Variants in ACTR1A observed in about 807,000 individuals in gnomAD.
ACTR1A encodes the protein alpha-centractin.
Under a neutral mutation model 50.7 loss-of-function variants are expected in ACTR1A, and 10 were observed. That is an observed-to-expected ratio of 0.20 (90% CI 0.12 to 0.33). ACTR1A has a LOEUF of 0.33. ACTR1A is among the 10% of genes least tolerant of loss of function. ACTR1A has a pLI of 1.00. For missense variants in ACTR1A, 253 were observed against 491.7 expected (o/e 0.51, Z 4.59); for synonymous variants, 177 against 184.2 (o/e 0.96, Z 0.32).
intron 1 of ACTR1A, among the ~76,000 whole-genome samples, chr10:102,492,057 A>C (rs1183708056): frequency 6.9e-4 from 67 of 97,380 alleles, no homozygotes; most frequent in South Asian, 1.1e-3. Flanking sequence ...GCGTGAGCCC[A>C]CCGTGCCCGG....
chr10:102,488,914 G>T lies in ACTR1A; in HGVS notation c.189+149C>A. ...TTCCTGGGAAAAATAAACCACCTAAGCCTAGGATGAGAGAATCAAAAAGGA... is the reference window on the plus strand; with the variant it reads ...TTCCTGGGAAAAATAAACCACCTAATCCTAGGATGAGAGAATCAAAAAGGA... On this transcript the variant is annotated intron_variant, in intron 3 of 10. Transcript: ENST00000369905. This position sits in a 1 kb window ranked among gnomAD's most constrained non-coding sequence, Gnocchi z 4.4. 2 of 555,386 alleles carry T rather than the reference G, an allele frequency of 3.6e-6. No individual in the cohort carries two copies. The highest frequency in any genetic ancestry group is 3.7e-5 in the South Asian group (1 of 27,280). 34.4% of individuals were successfully genotyped at this position (555,386 alleles called of 1,614,324 possible).
At chr10:102,500,006 G>C (rs1192155315) in intron 1 of ACTR1A, among the ~76,000 whole-genome samples, 1 of 152,144 alleles carries the variant, frequency 6.6e-6, no homozygotes, top group Non-Finnish European at 1.5e-5. Context: ...GAGAGAAGTG[G>C]GTGAAGTGAG....
In ACTR1A at chr10:102,484,185, A is replaced by G. The variant is rs761032920; in HGVS notation, c.632T>C (p.Phe211Ser). The change falls in exon 6 of 11, where the codon TTT becomes TCT. Residue 211 changes from phenylalanine to serine, a missense_variant. Physicochemically the swap from Phe to Ser is radical, Grantham distance 155. Around this residue, in one of 4 missense-constraint regions of ACTR1A, gnomAD observed 116 missense variants for 155.9 expected, o/e 0.74. Transcript: ENST00000369905. ...EGYDFHSSSEFEIVKAIKERA... is the reference protein window; with the variant it reads ...EGYDFHSSSESEIVKAIKERA... ...TTCTTTTATGGCCTTGACAATCTCAAACTCAGAGGATGAGTGGAAGTCGTA... is the reference window on the plus strand; with the variant it reads ...TTCTTTTATGGCCTTGACAATCTCAGACTCAGAGGATGAGTGGAAGTCGTA... 1 of 1,613,966 alleles carries G rather than the reference A, an allele frequency of 6.2e-7. No homozygotes were observed. The highest frequency in any genetic ancestry group is 1.3e-5 in the African/African-American group (1 of 74,882).
At chr10:102,496,138 G>A (rs1168510601) in intron 1 of ACTR1A, among the ~76,000 whole-genome samples, 8 of 152,192 alleles carry the variant, frequency 5.3e-5, no homozygotes, top group Non-Finnish European at 1.0e-4. Flanking sequence ...ATAAAGACGG[G>A]GTTTCACCAT....
In ACTR1A at chr10:102,485,674, G is replaced by A. The variant is rs928356258; in HGVS notation, c.375C>T (p.Ala125=). The part of the protein sequence containing the change: ...LNPRKNRERA[A]EVFFETFNVP... ...CATTGAAGGTCTCGAAGAAAACTTC[G>A]GCAGCTCGTTCCCGGTTTTTTCGTG... is the stretch of plus-strand genomic sequence containing the variant. Residue 125 remains alanine (A), a synonymous_variant, in exon 5 of 11, where the codon GCC becomes GCT. Coordinates refer to ENST00000369905, the MANE Select transcript of ACTR1A (RefSeq NM_005736.4). 3 of 1,613,972 alleles carry A rather than the reference G, an allele frequency of 1.9e-6. No homozygotes were observed. The highest frequency in any genetic ancestry group is 2.2e-5 in the East Asian group (1 of 44,900).
rs1425082795 is a variant in ACTR1A at position 102,479,804 on chromosome 10, A to C, written c.*1059T>G. The C allele has an allele frequency of 1.5e-6, 1 of 658,900 alleles. No individual in the cohort carries two copies. The highest frequency in any genetic ancestry group is 2.2e-6 in the Non-Finnish European group (1 of 458,188). The allele number at this position is 658,900 out of a possible 1,614,324, so 40.8% of individuals were successfully genotyped here. A position where few individuals can be genotyped will look rare whatever the true frequency, so the allele number is the denominator to read the frequency against. On this transcript the variant is annotated 3_prime_UTR_variant, in exon 11 of 11. Transcript: ENST00000369905. The surrounding 1 kb of genome is among the most constrained non-coding windows in gnomAD (Gnocchi z 4.0). ...TCCCTTGCTTAGGGGCCTCTGCCAA[A>C]GAAAAATTTTACCTCCTGTTTCAGA...
intron 9 of ACTR1A, among the ~76,000 whole-genome samples, chr10:102,481,418 G>A (rs1214968494): frequency 6.6e-6 from 1 of 152,140 alleles, no homozygotes; most frequent in Admixed American, 6.5e-5. Context: ...GGCAAGAACT[G>A]TACTCCTTCC....
intron 1 of ACTR1A, among the ~76,000 whole-genome samples, chr10:102,496,122 T>C (rs770390487): frequency 2.0e-5 from 3 of 152,156 alleles, no homozygotes; most frequent in Non-Finnish European, 4.4e-5. Context: ...ATTTTTTGTA[T>C]TTTTAATAAA....
At position 102,480,406 on chromosome 10, in the gene ACTR1A, GCA is replaced by G. The variant is rs2062132650; in HGVS notation, c.*455_*456del. 1 of 185,526 alleles carries G rather than the reference GCA, an allele frequency of 5.4e-6. No homozygotes were observed. The allele number at this position is 185,526 out of a possible 1,614,324, so 11.5% of individuals were successfully genotyped here. On this transcript the variant is annotated 3_prime_UTR_variant, in exon 11 of 11. Transcript: ENST00000369905. Reference sequence around the variant, plus strand: ...CAACCCCAGTCCCAGTCCTCAGTGTGCAGTCAGGAGGCATCGATAGTGGAGGC... The same window carrying G: ...CAACCCCAGTCCCAGTCCTCAGTGTGGTCAGGAGGCATCGATAGTGGAGGC...
rs755226417 is a variant in ACTR1A, at chr10:102,481,885, C to T, written c.939G>A (p.Arg313=). The T allele has an allele frequency of 3.7e-6, 6 of 1,612,722 alleles. No homozygotes were observed. The South Asian group carries it at 6.6e-5, about 18-fold the overall frequency. The part of the protein sequence containing the change: ...GSTLFKGFGD[R]LLSEVKKLAP... ...CTAGTTTCTTCACTTCACTCAGGAG[C>T]CTGTCACCAAAACCTGAATGGGCAA... is the stretch of plus-strand genomic sequence containing the variant. The change falls in exon 9 of 11, where the codon AGG becomes AGA. Residue 313 remains arginine, a synonymous_variant. Coordinates refer to ENST00000369905, the MANE Select transcript of ACTR1A (RefSeq NM_005736.4).
intron 1 of ACTR1A, among the ~76,000 whole-genome samples, chr10:102,494,471 A>C (rs191625354): frequency 6.6e-6 from 1 of 152,300 alleles, no homozygotes; most frequent in African/African-American, 2.4e-5. Context: ...CTCTACAAAA[A>C]TACAAAAATT....
intron 1 of ACTR1A, among the ~76,000 whole-genome samples, chr10:102,495,395 C>T (rs1355243467): frequency 6.6e-6 from 1 of 151,974 alleles, no homozygotes; most frequent in African/African-American, 2.4e-5. Flanking sequence ...CGGTGAAACC[C>T]CGTCTTCACT....
At position 102,482,763 on chromosome 10, in the gene ACTR1A, A is replaced by C; in HGVS notation, c.750+248T>G. On this transcript the variant is annotated intron_variant, in intron 7 of 10. Transcript: ENST00000369905. This position sits in a 1 kb window ranked among gnomAD's most constrained non-coding sequence, Gnocchi z 5.6. ...GCCACACATAATATACACTAACACT[A>C]ATGACAGCTGCTGAGCTAAAAAAAA... 1 of 523,948 alleles carries C rather than the reference A, an allele frequency of 1.9e-6. No homozygotes were observed. Among genetic ancestry groups the C allele is most frequent in the South Asian group, 2.3e-5 (1 of 42,828 alleles). 32.5% of individuals were successfully genotyped at this position (523,948 alleles called of 1,614,324 possible).
At chr10:102,487,728 T>C (rs11191300) in intron 4 of ACTR1A, among the ~76,000 whole-genome samples, 52,331 of 149,114 alleles carry the variant, frequency 0.35, 9,327 homozygotes, top group African/African-American at 0.39. Flanking sequence ...GCCTCCCGGG[T>C]TCACGCCATT....
In ACTR1A at chr10:102,479,528, T is replaced by C; in HGVS notation, c.*1335A>G. Reference sequence around the variant, plus strand: ...GGTGAAGACAGGCTGGCCCCAGCTTTGCACCATCTAGGCTGAAGGCCTTTG... The same window carrying C: ...GGTGAAGACAGGCTGGCCCCAGCTTCGCACCATCTAGGCTGAAGGCCTTTG... On this transcript the variant is annotated 3_prime_UTR_variant, in exon 11 of 11. Coordinates refer to ENST00000369905, the MANE Select transcript of ACTR1A (RefSeq NM_005736.4). This position sits in a 1 kb window ranked among gnomAD's most constrained non-coding sequence, Gnocchi z 4.0. The C allele has an allele frequency of 9.6e-7, 1 of 1,039,624 alleles. No individual in the cohort carries two copies. Among genetic ancestry groups the C allele is most frequent in the African/African-American group, 1.7e-5 (1 of 60,464 alleles). The allele number at this position is 1,039,624 out of a possible 1,614,324, so 64.4% of individuals were successfully genotyped here. A position where few individuals can be genotyped will look rare whatever the true frequency, so the allele number is the denominator to read the frequency against.
In ACTR1A at chr10:102,492,739, C is replaced by T. The variant is rs558240916; in HGVS notation, c.49-2126G>A. Among the ~76,000 whole-genome samples the T allele has an allele frequency of 2.6e-5, 4 of 152,210 alleles. No homozygotes were observed. In the East Asian group the frequency reaches 7.8e-4, roughly 29 times the overall value. ...GAAGGAAGCCAGGTGTGGTGGCTCACGCCTGTAATCCCAGCACTGTGGGAG... is the reference window on the plus strand; with the variant it reads ...GAAGGAAGCCAGGTGTGGTGGCTCATGCCTGTAATCCCAGCACTGTGGGAG... On this transcript the variant is annotated intron_variant, in intron 1 of 10. Coordinates refer to ENST00000369905, the MANE Select transcript of ACTR1A (RefSeq NM_005736.4).
At chr10:102,487,364 A>T (rs1221852443) in intron 4 of ACTR1A, among the ~76,000 whole-genome samples, 1 of 152,118 alleles carries the variant, frequency 6.6e-6, no homozygotes, top group Admixed American at 6.6e-5. Context: ...CAGTGAGCCT[A>T]GATCACGCCA....
chr10:102,494,865 C>T (rs1232059046), intron 1 of ACTR1A, among the ~76,000 whole-genome samples: 11 of 152,094 alleles, frequency 7.2e-5, no homozygotes, highest in African/African-American at 1.9e-4. Context: ...ACCTAGAGTG[C>T]GGTGGCACAA....
intron 1 of ACTR1A, among the ~76,000 whole-genome samples, chr10:102,499,861 T>C (rs1474361593): frequency 2.0e-5 from 3 of 152,192 alleles, no homozygotes; most frequent in Admixed American, 2.0e-4. Context: ...ACTCCCCATC[T>C]TTTCTTTATT....
Sources: allele counts gnomAD v4.1 joint callset (sites outside exome capture counted in the v4.1 genomes callset), GRCh38; gene constraint gnomAD v4.1.1; regional missense constraint gnomAD v4.1.1; non-coding constraint Gnocchi (gnomAD v3.1); transcripts MANE v1.5; gene names NCBI Gene and HGNC (gene_info 2026-07-23, HGNC 2026-07-21).